The following ATP5MC2 variants were observed in gnomAD, a reference collection of about 807,000 sequenced individuals.
The protein encoded by ATP5MC2 is ATP synthase membrane subunit c locus 2.
A neutral mutation model predicts 13.5 loss-of-function variants in ATP5MC2; 11 were observed. That is an observed-to-expected ratio of 0.81 (90% CI 0.51 to 1.35). ATP5MC2 has a LOEUF of 1.35. Among genes scored for constraint, ATP5MC2 ranks in the 40% most tolerant of loss-of-function variants. The pLI is 0.00. For synonymous variants in ATP5MC2, 64 were observed against 69.7 expected, an observed-to-expected ratio of 0.92 and a Z score of 0.41; for missense variants, 132 against 175.0, an observed-to-expected ratio of 0.75 and a Z score of 1.39.
upstream of ATP5MC2, among the ~76,000 whole-genome samples, chr12:53,678,188 A>G (rs1354434361): frequency 6.6e-6 from 1 of 152,150 alleles, no homozygotes; most frequent in Non-Finnish European, 1.5e-5. Context: ...TAGCTGTTTA[A>G]CCCCCTCTAA....
intron 2 of ATP5MC2, 52 bp downstream of exon 2, chr12:53,672,524 G>C (rs1945131159): frequency 5.3e-6 from 8 of 1,502,488 alleles, no homozygotes; most frequent in Admixed American, 2.0e-5. Flanking sequence ...GATGGAAAGA[G>C]AGAGACAAGA....
chr12:53,680,461 T>C (rs927181246), upstream of ATP5MC2, among the ~76,000 whole-genome samples: 47 of 152,162 alleles, frequency 3.1e-4, no homozygotes, highest in Non-Finnish European at 5.9e-4. Context: ...ATATGAGTAA[T>C]AGGAGTTGTG....
At chr12:53,679,519 C>G (rs1021198835), upstream of ATP5MC2, among the ~76,000 whole-genome samples, 1 of 152,178 alleles carries the variant, frequency 6.6e-6, no homozygotes, top group African/African-American at 2.4e-5. Context: ...CTTCATCTCT[C>G]GAAGCTTTAG....
At chr12:53,676,104 A>C (rs1945263630), upstream of ATP5MC2, 19 of 1,614,146 alleles carry the variant, frequency 1.2e-5, no homozygotes, top group Non-Finnish European at 1.4e-5. Flanking sequence ...GGAAGAGCGA[A>C]AGGAAGGCTC....
At chr12:53,667,968 T>TATATATATATATAC (rs1944975198) in intron 4 of ATP5MC2, among the ~76,000 whole-genome samples, 1 of 47,816 alleles carries the variant, frequency 2.1e-5, no homozygotes, top group Admixed American at 2.1e-4. Context: ...TATATATATA[T>TATATATATATATAC]ATATATATAT....
At chr12:53,670,457 A>C (rs1487569053) in intron 2 of ATP5MC2, among the ~76,000 whole-genome samples, 2 of 152,226 alleles carry the variant, frequency 1.3e-5, no homozygotes, top group Non-Finnish European at 2.9e-5. Context: ...GAAATCACCT[A>C]GCAACACAGT....
At chr12:53,669,735 T>C (rs1280710400) in intron 3 of ATP5MC2, 136 bp downstream of exon 3, 2 of 938,198 alleles carry the variant, frequency 2.1e-6, no homozygotes, top group Non-Finnish European at 3.3e-6. Context: ...CATCTCCACC[T>C]AAAGCCCATG....
rs147349765 is a variant in ATP5MC2, at chr12:53,676,023, C to A, written c.-32+30G>T. 4.4e-6 allele frequency: 7 copies of A among 1,607,316 alleles called. No individual in the cohort carries two copies. In the South Asian group the frequency reaches 5.5e-5, roughly 13 times the overall value. On this transcript the variant is annotated intron_variant, in intron 1 of 4. Coordinates refer to ENST00000394349, the MANE Select transcript of ATP5MC2 (RefSeq NM_005176.7). Reference sequence around the variant, plus strand: ...AGGTGTCCCGCGCGCGTGCGCAGCGCACAGAGGGCTCTAGGTCCCAAGGCC... The same window carrying A: ...AGGTGTCCCGCGCGCGTGCGCAGCGAACAGAGGGCTCTAGGTCCCAAGGCC...
intron 1 of ATP5MC2, 24 bp downstream of exon 1, chr12:53,676,029 G>C: frequency 2.5e-6 from 4 of 1,609,738 alleles, no homozygotes; most frequent in Non-Finnish European, 3.4e-6. Flanking sequence ...AGCGCACAGA[G>C]GGCTCTAGGT....
At chr12:53,676,009 G>C (rs751410645) in intron 1 of ATP5MC2, 44 bp downstream of exon 1, 1 of 1,599,324 alleles carries the variant, frequency 6.3e-7, no homozygotes, top group African/African-American at 1.3e-5. Context: ...GGTGTCCCGC[G>C]CGCGTGCGCA....
At chr12:53,676,321 C>CTGCG (rs1945275597), upstream of ATP5MC2, 2 of 1,404,794 alleles carry the variant, frequency 1.4e-6, no homozygotes, top group African/African-American at 2.9e-5. Flanking sequence ...CGATCCGTAA[C>CTGCG]GTGGACTGCG....
At chr12:53,672,685 A>C in intron 1 of ATP5MC2, 40 bp from the exon 2 acceptor site, 1 of 1,536,214 alleles carries the variant, frequency 6.5e-7, no homozygotes, top group South Asian at 1.2e-5. Flanking sequence ...CTCCTTATTC[A>C]CTAAACTATA....
At chr12:53,676,455 G>A (rs1945281207), upstream of ATP5MC2, 2 of 438,532 alleles carry the variant, frequency 4.6e-6, no homozygotes, top group East Asian at 4.2e-5. Context: ...CGGGATTGGG[G>A]TTCAGTGCCT....
intron 4 of ATP5MC2, among the ~76,000 whole-genome samples, 177 bp downstream of exon 4, chr12:53,668,971 T>A (rs1406131346): frequency 2.0e-5 from 3 of 152,036 alleles, no homozygotes; most frequent in Non-Finnish European, 2.9e-5. Context: ...TGAGCTGAGA[T>A]TGCGCCACTG....
upstream of ATP5MC2, among the ~76,000 whole-genome samples, chr12:53,681,252 A>G (rs542461862): frequency 5.3e-5 from 8 of 150,694 alleles, no homozygotes; most frequent in Non-Finnish European, 1.2e-4. Context: ...AAGGCCAGGC[A>G]TGGTGGCTCA....
In ATP5MC2 at chr12:53,675,515, C is replaced by CT. The variant is rs533721602; in HGVS notation, c.-32+537dup. Among the ~76,000 whole-genome samples, 470 of 152,264 alleles carry CT rather than the reference C, an allele frequency of 3.1e-3. 3 individuals are homozygous for CT. The highest frequency in any genetic ancestry group is 4.3e-3 in the Non-Finnish European group (293 of 68,010). ...AACCTAACGGGAGGCGATGTTTTGG[C>CT]TTTTTTTCCCACTTCTACCATGTTC... On this transcript the variant is annotated intron_variant, in intron 1 of 4. Transcript: ENST00000394349.
chr12:53,678,603 T>C (rs1290228415), upstream of ATP5MC2, among the ~76,000 whole-genome samples: 1 of 152,170 alleles, frequency 6.6e-6, no homozygotes, highest in Non-Finnish European at 1.5e-5. Flanking sequence ...GGACTATTAC[T>C]ACGAGGCTTG....
chr12:53,675,976 C>T, intron 1 of ATP5MC2, 77 bp downstream of exon 1: 1 of 1,571,890 alleles, frequency 6.4e-7, no homozygotes, highest in Non-Finnish European at 8.6e-7. Context: ...AGGTAAGCGC[C>T]TCAAAGCATC....
At chr12:53,668,016 TCTCA>T (rs1565625408) in intron 4 of ATP5MC2, among the ~76,000 whole-genome samples, 3 of 135,830 alleles carry the variant, frequency 2.2e-5, no homozygotes, top group Non-Finnish European at 4.8e-5. Context: ...TTTTTGATGG[TCTCA>T]CTCTGTTGCC....
Sources: gnomAD v4.1 joint callset for allele counts (sites outside exome capture counted in the v4.1 genomes callset) on GRCh38, gnomAD v4.1.1 for gene constraint, MANE v1.5 for transcripts, NCBI Gene and HGNC (gene_info 2026-07-23, HGNC 2026-07-21) for gene names.